LNP1: variants seen among roughly 807,000 people sequenced by gnomAD.
LNP1 encodes the protein leukemia NUP98 fusion partner 1.
LNP1 carries 12 observed loss-of-function variants against 14.5 expected under a neutral mutation model. The observed-to-expected ratio is 0.83, with a 90% CI of 0.53 to 1.34. LNP1 has a LOEUF of 1.34. Ranked by LOEUF, LNP1 falls within the 40% of genes most tolerant of loss-of-function variation. The pLI is 0.00. For missense variants in LNP1, 198 were observed against 210.9 expected (o/e 0.94, Z 0.38); for synonymous variants, 75 against 71.4 (o/e 1.05, Z -0.26).
At chr3:100,438,580 C>A (rs918838602) in intron 2 of LNP1, among the ~76,000 whole-genome samples, 8 of 152,170 alleles carry the variant, frequency 5.3e-5, no homozygotes, top group African/African-American at 9.7e-5. Context: ...TAGTGGCATA[C>A]AGAATAGTTT....
intron 1 of LNP1, among the ~76,000 whole-genome samples, chr3:100,416,701 T>A (rs1324372423): frequency 1.4e-5 from 2 of 143,474 alleles, no homozygotes; most frequent in African/African-American, 2.7e-5. Flanking sequence ...AATATATAAA[T>A]ACATTTTTTT....
chr3:100,444,483 T>C (rs914578266), intron 2 of LNP1, among the ~76,000 whole-genome samples: 1 of 152,242 alleles, frequency 6.6e-6, no homozygotes, highest in African/African-American at 2.4e-5. Context: ...ATAATTGTAA[T>C]ACCAACTAAG....
At chr3:100,447,806 T>C (rs562506733) in intron 2 of LNP1, among the ~76,000 whole-genome samples, 6 of 152,306 alleles carry the variant, frequency 3.9e-5, no homozygotes, top group Non-Finnish European at 8.8e-5. Flanking sequence ...TCCCTCTTTA[T>C]TTTGATAACT....
intron 1 of LNP1, among the ~76,000 whole-genome samples, chr3:100,419,995 T>G (rs1385786323): frequency 2.0e-5 from 3 of 152,240 alleles, no homozygotes; most frequent in Non-Finnish European, 4.4e-5. Flanking sequence ...CCATCAGCAA[T>G]GTATGAATGA....
intron 1 of LNP1, among the ~76,000 whole-genome samples, chr3:100,413,958 A>G (rs1217092870): frequency 6.6e-6 from 1 of 152,092 alleles, no homozygotes; most frequent in East Asian, 1.9e-4. Flanking sequence ...TTTCCCGACC[A>G]GTGGAAGATA....
At chr3:100,402,602 A>C (rs1706922327) in intron 1 of LNP1, among the ~76,000 whole-genome samples, 163 bp downstream of exon 1, 1 of 152,006 alleles carries the variant, frequency 6.6e-6, no homozygotes, top group Non-Finnish European at 1.5e-5. Flanking sequence ...TCTGCCCCTT[A>C]ATATAAGCTC....
chr3:100,437,134 A>G (rs1272432890), intron 2 of LNP1, among the ~76,000 whole-genome samples: 1 of 152,244 alleles, frequency 6.6e-6, no homozygotes, highest in African/African-American at 2.4e-5. Flanking sequence ...CATAACAAGC[A>G]TCATCACCAG....
chr3:100,408,840 G>T (rs1485898091), intron 1 of LNP1, among the ~76,000 whole-genome samples: 1 of 152,180 alleles, frequency 6.6e-6, no homozygotes, highest in Non-Finnish European at 1.5e-5. Context: ...CATGGGTAAT[G>T]TAAAACTGTT....
rs973026959 is a variant in LNP1, at chr3:100,436,737, C to T, written c.156+6852C>T. On this transcript the variant is annotated intron_variant, in intron 2 of 3. Transcript: ENST00000383693. ...TATGGACTGAATGTTTGTGCTTCCC[C>T]TTCCCCCATTCATATGCTGAAGCCC... Among the ~76,000 whole-genome samples the T allele has an allele frequency of 2.0e-5, 3 of 152,286 alleles. No individual in the cohort carries two copies. In the South Asian group the frequency reaches 6.2e-4, roughly 32 times the overall value.
intron 3 of LNP1, among the ~76,000 whole-genome samples, chr3:100,455,096 G>A (rs1042281079): frequency 9.9e-5 from 15 of 152,238 alleles, no homozygotes; most frequent in African/African-American, 3.6e-4. Context: ...CTATCACTCT[G>A]TTTACAGTTA....
intron 1 of LNP1, among the ~76,000 whole-genome samples, chr3:100,409,667 G>A (rs894061311): frequency 3.4e-5 from 5 of 145,734 alleles, no homozygotes; most frequent in East Asian, 2.0e-4. Context: ...GCGTGATCTC[G>A]GCTCACTGCA....
chr3:100,403,195 A>G (rs776680618), intron 1 of LNP1, among the ~76,000 whole-genome samples: 5 of 152,256 alleles, frequency 3.3e-5, no homozygotes, highest in Non-Finnish European at 7.3e-5. Context: ...GTAAAGATTT[A>G]ATTAGAGAAT....
At chr3:100,435,692 C>G (rs190282101) in intron 2 of LNP1, among the ~76,000 whole-genome samples, 26 of 152,192 alleles carry the variant, frequency 1.7e-4, no homozygotes, top group Admixed American at 1.6e-3. Flanking sequence ...TTATGCTGAA[C>G]AGATTGGCTA....
intron 1 of LNP1, among the ~76,000 whole-genome samples, chr3:100,421,442 G>A (rs1375778947): frequency 1.3e-5 from 2 of 152,102 alleles, no homozygotes; most frequent in African/African-American, 4.8e-5. Flanking sequence ...TGGGCACCAT[G>A]GACCAGTGAA....
At chr3:100,422,185 T>C (rs1707149335) in intron 1 of LNP1, among the ~76,000 whole-genome samples, 1 of 143,638 alleles carries the variant, frequency 7.0e-6, no homozygotes, top group Non-Finnish European at 1.5e-5. Flanking sequence ...ATAAAGTCTT[T>C]TTTTTTTTTT....
chr3:100,402,877 A>G (rs990347618), intron 1 of LNP1, among the ~76,000 whole-genome samples: 1 of 152,180 alleles, frequency 6.6e-6, no homozygotes, highest in African/African-American at 2.4e-5. Context: ...TCCCCTCTCC[A>G]AAGGGAATCG....
intron 2 of LNP1, among the ~76,000 whole-genome samples, chr3:100,446,264 G>A (rs574140548): frequency 1.3e-5 from 2 of 152,232 alleles, no homozygotes; most frequent in Non-Finnish European, 2.9e-5. Flanking sequence ...ATAGACCAAT[G>A]GAACAGAACA....
chr3:100,407,156 A>G (rs1706977887), intron 1 of LNP1, among the ~76,000 whole-genome samples: 1 of 152,218 alleles, frequency 6.6e-6, no homozygotes, highest in Admixed American at 6.5e-5. Context: ...TTATAAATTA[A>G]ATTTAGCTAT....
rs1287438436 is a variant in LNP1 at position 100,402,459 on chromosome 3, T to C, written c.-34+20T>C. On this transcript the variant is annotated intron_variant, in intron 1 of 3. Coordinates refer to ENST00000383693, the MANE Select transcript of LNP1 (RefSeq NM_001085451.2). ...CTTCATGTAAGTTCCTATTAGTAAA[T>C]TGCCTTCAGGCAATAGGGTTTCTTA... 1 of 152,202 alleles carries C rather than the reference T, an allele frequency of 6.6e-6. No individual in the cohort carries two copies. The highest frequency in any genetic ancestry group is 1.5e-5 in the Non-Finnish European group (1 of 68,044). 9.4% of individuals were successfully genotyped at this position (152,202 alleles called of 1,614,324 possible).
Sources: gnomAD v4.1 joint callset for allele counts (sites outside exome capture counted in the v4.1 genomes callset) on GRCh38, gnomAD v4.1.1 for gene constraint, MANE v1.5 for transcripts, NCBI Gene and HGNC (gene_info 2026-07-23, HGNC 2026-07-21) for gene names.